Variants in BTBD3 observed in about 807,000 individuals in gnomAD.
BTBD3 encodes BTB domain containing 3, also known as BTB/POZ domain-containing protein 3.
In BTBD3, 14 loss-of-function variants were observed where a neutral mutation model predicts 41.6. The observed-to-expected ratio is 0.34, with a 90% CI of 0.22 to 0.53. The LOEUF is 0.53. Among genes scored for constraint, BTBD3 ranks in the 20% least tolerant of loss-of-function variants. The pLI, the probability that BTBD3 is intolerant of heterozygous loss-of-function variation, is 0.95. For missense variants in BTBD3, 426 were observed against 654.7 expected (o/e 0.65, Z 3.81); for synonymous variants, 249 against 233.7 (o/e 1.07, Z -0.60).
At chr20:11,901,823 C>T (rs1030239436) in intron 1 of BTBD3, among the ~76,000 whole-genome samples, 7 of 152,086 alleles carry the variant, frequency 4.6e-5, no homozygotes, top group African/African-American at 1.7e-4. Context: ...AAATGAGATG[C>T]TCAAGATAAG....
intron 1 of BTBD3, among the ~76,000 whole-genome samples, chr20:11,896,595 G>A (rs118120091): frequency 7.5e-4 from 114 of 152,206 alleles, no homozygotes; most frequent in Non-Finnish European, 1.3e-3. Flanking sequence ...GTAGAATATT[G>A]GCTTTTTGGT....
At chr20:11,908,321 G>GTTTTTTTTTTTTTTTTTTTTTT (rs3834758) in intron 1 of BTBD3, among the ~76,000 whole-genome samples, 3 of 77,070 alleles carry the variant, frequency 3.9e-5, no homozygotes, top group East Asian at 3.1e-4. Flanking sequence ...CTTCTCTGTG[G>GTTTTTTTTTTTTTTTTTTTTTT]TTTTTTTTTT....
intron 1 of BTBD3, among the ~76,000 whole-genome samples, chr20:11,904,414 C>T (rs1470586674): frequency 1.3e-5 from 2 of 152,176 alleles, no homozygotes; most frequent in Non-Finnish European, 2.9e-5. Context: ...CCAGGTCCCT[C>T]CCTCAACATT....
chr20:11,897,484 C>CA (rs71186168), intron 1 of BTBD3, among the ~76,000 whole-genome samples: 1,246 of 65,352 alleles, frequency 0.019, 40 homozygotes, highest in African/African-American at 0.048. Context: ...GTTATTTAAG[C>CA]AAAAAAAAAA....
chr20:11,916,007 C>G (rs937945892), upstream of BTBD3, among the ~76,000 whole-genome samples: 1 of 152,072 alleles, frequency 6.6e-6, no homozygotes, highest in Non-Finnish European at 1.5e-5. Flanking sequence ...ATCACAAACC[C>G]TTCTAAGTTC....
chr20:11,912,636 GT>G (rs1178558515), intron 1 of BTBD3, among the ~76,000 whole-genome samples: 1 of 152,206 alleles, frequency 6.6e-6, no homozygotes, highest in Non-Finnish European at 1.5e-5. Flanking sequence ...CATCACAAAC[GT>G]TTCCTGCTTT....
chr20:11,907,388 G>A (rs1015660301), intron 1 of BTBD3, among the ~76,000 whole-genome samples: 1 of 152,196 alleles, frequency 6.6e-6, no homozygotes, highest in Non-Finnish European at 1.5e-5. Flanking sequence ...TAGAAACACT[G>A]TAGATCTTAG....
At chr20:11,893,561 A>G (rs989161517) in intron 1 of BTBD3, among the ~76,000 whole-genome samples, 1 of 152,364 alleles carries the variant, frequency 6.6e-6, no homozygotes, top group African/African-American at 2.4e-5. Context: ...CTTTCAGCAT[A>G]GTTGTCCAGT....
At chr20:11,890,948 G>C in exon 1 of BTBD3, 2 of 984,188 alleles carry the variant, frequency 2.0e-6, no homozygotes, top group Middle Eastern at 1.0e-3. Flanking sequence ...GAGGAGGAGC[G>C]CTGGCGGTGA....
In BTBD3 at chr20:11,919,339, A is replaced by T. The variant is rs906622175; in HGVS notation, c.417+163A>T. 1.6e-5 allele frequency: 22 copies of T among 1,399,540 alleles called. No individual in the cohort carries two copies. The African/African-American group carries it at 2.9e-4, about 18-fold the overall frequency. 86.7% of individuals were successfully genotyped at this position (1,399,540 alleles called of 1,614,324 possible). On this transcript the variant is annotated intron_variant, in intron 2 of 3. Transcript: ENST00000378226. ...TCTCCAGAGGGCTTTGGCCACGCTT[A>T]ATTTTTTCTTTGTTTCCTTCTATAC...
chr20:11,898,130 C>A (rs191637895), intron 1 of BTBD3, among the ~76,000 whole-genome samples: 1 of 152,254 alleles, frequency 6.6e-6, no homozygotes, highest in Admixed American at 6.5e-5. Context: ...CCATTGCATT[C>A]CAGCCTGGGG....
intron 1 of BTBD3, among the ~76,000 whole-genome samples, chr20:11,898,839 C>A (rs1056366149): frequency 2.0e-5 from 3 of 152,154 alleles, no homozygotes; most frequent in Non-Finnish European, 4.4e-5. Flanking sequence ...AGGGTGCTCT[C>A]TGTAAAGTAC....
rs1359776682 is a variant in BTBD3, at chr20:11,919,741, T to C, written c.441T>C (p.Ser147=). 1.9e-6 allele frequency: 3 copies of C among 1,614,090 alleles called. No individual in the cohort carries two copies. The highest frequency in any genetic ancestry group is 2.5e-6 in the Non-Finnish European group (3 of 1,180,036). ...GHKYVLAVGS[S]VFHAMFYGEL... ...AGTATGTTTTAGCTGTTGGGAGCTC[T>C]GTGTTCCATGCGATGTTTTACGGAG... The change falls in exon 3 of 4, where the codon TCT becomes TCC. Residue 147 remains serine, a synonymous_variant. Transcript: ENST00000378226.
At position 11,923,236 on chromosome 20, in the gene BTBD3, C is replaced by T. The variant is rs535169870; in HGVS notation, c.1139C>T (p.Ser380Leu). 6.8e-6 allele frequency: 11 copies of T among 1,614,196 alleles called. No individual in the cohort carries two copies. Among genetic ancestry groups the T allele is most frequent in the African/African-American group, 1.3e-5 (1 of 75,046 alleles). ...CCCCAGCGCTGTCACCGTTTCCAGTCGTGTGCCTATCGAAGCAACCAATGG... is the reference window on the plus strand; with the variant it reads ...CCCCAGCGCTGTCACCGTTTCCAGTTGTGTGCCTATCGAAGCAACCAATGG... ...LVPQRCHRFQ[S>L]CAYRSNQWRY... The change falls in exon 4 of 4, where the codon TCG becomes TTG. Residue 380 changes from serine (S) to leucine (L), a missense_variant. Transcript: ENST00000378226. The surrounding 1 kb of genome is among the most constrained non-coding windows in gnomAD (Gnocchi z 5.3).
chr20:11,906,210 A>G (rs1320800401), intron 1 of BTBD3, among the ~76,000 whole-genome samples: 1 of 145,516 alleles, frequency 6.9e-6, no homozygotes, highest in African/African-American at 2.5e-5. Flanking sequence ...GCCAAAAATA[A>G]GTTATTCCAC....
chr20:11,923,792 G>A lies in BTBD3; in HGVS notation c.*126G>A. On this transcript the variant is annotated 3_prime_UTR_variant, in exon 4 of 4. Coordinates refer to ENST00000378226, the MANE Select transcript of BTBD3 (RefSeq NM_014962.4). This position sits in a 1 kb window ranked among gnomAD's most constrained non-coding sequence, Gnocchi z 5.3. Reference sequence around the variant, plus strand: ...TTGTAATGAATGAAGCGGTAGGCAGGTTCTAATTTCTTTTAACCTTTTAAT... The same window carrying A: ...TTGTAATGAATGAAGCGGTAGGCAGATTCTAATTTCTTTTAACCTTTTAAT... 3.1e-6 allele frequency: 3 copies of A among 956,332 alleles called. No individual in the cohort carries two copies. The highest frequency in any genetic ancestry group is 4.6e-6 in the Non-Finnish European group (3 of 652,470). 59.2% of individuals were successfully genotyped at this position (956,332 alleles called of 1,614,324 possible). A position where few individuals can be genotyped will look rare whatever the true frequency, so the allele number is the denominator to read the frequency against.
intron 1 of BTBD3, among the ~76,000 whole-genome samples, chr20:11,893,072 T>TTA (rs397866230): frequency 6.6e-6 from 1 of 152,084 alleles, no homozygotes; most frequent in Non-Finnish European, 1.5e-5. Context: ...TTTTTTTTTT[T>TTA]AATGCTCAAA....
intron 1 of BTBD3, among the ~76,000 whole-genome samples, chr20:11,895,573 C>G (rs1244832434): frequency 6.6e-6 from 1 of 151,644 alleles, no homozygotes; most frequent in African/African-American, 2.4e-5. Context: ...TTCCAGTGTT[C>G]ATGGAGGAAT....
Position 11,911,016 on chromosome 20 carries a change from A to G in BTBD3, c.-125-7318A>G, listed in dbSNP as rs115479350. ...AGCCATCATCTTGCCTGGTTAAGGA[A>G]ATAATTAAGCAACCTAAAAAAAAGA... On this transcript the variant is annotated intron_variant, in intron 1 of 4. Coordinates refer to the BTBD3 transcript ENST00000254977. 7.7e-3 allele frequency among the ~76,000 whole-genome samples: 1,178 copies of G among 152,346 alleles called. 13 individuals are homozygous for G. The highest frequency in any genetic ancestry group is 0.027 in the Middle Eastern group (8 of 294).
Sources: gnomAD v4.1 joint callset for allele counts (sites outside exome capture counted in the v4.1 genomes callset) on GRCh38, gnomAD v4.1.1 for gene constraint, Gnocchi (gnomAD v3.1) non-coding constraint, MANE v1.5 for transcripts, NCBI Gene and HGNC (gene_info 2026-07-23, HGNC 2026-07-21) for gene names.